The following ABL1 variants were observed in gnomAD, a reference collection of about 807,000 sequenced individuals.
The protein encoded by ABL1 is tyrosine-protein kinase ABL1.
In ABL1, 11 loss-of-function variants were observed where a neutral mutation model predicts 94.7. The observed-to-expected ratio is 0.12, with a 90% CI of 0.07 to 0.19. ABL1 has a LOEUF of 0.19. Among genes scored for constraint, ABL1 ranks in the 10% least tolerant of loss-of-function variants. ABL1 has a pLI of 1.00. For synonymous variants in ABL1, 656 were observed against 622.4 expected, an observed-to-expected ratio of 1.05 and a Z score of -0.80; for missense variants, 1,082 against 1,489.4, an observed-to-expected ratio of 0.73 and a Z score of 4.50.
At chr9:130,798,837 G>A (rs1027147731) in intron 1 of ABL1, among the ~76,000 whole-genome samples, 1 of 151,948 alleles carries the variant, frequency 6.6e-6, no homozygotes, top group Non-Finnish European at 1.5e-5. Context: ...TGGGTGTGGT[G>A]GGGCATGCCT....
intron 1 of ABL1, among the ~76,000 whole-genome samples, chr9:130,716,597 T>C (rs1831444453): frequency 6.6e-6 from 1 of 152,298 alleles, no homozygotes; most frequent in South Asian, 2.1e-4. Flanking sequence ...GCCACTTTTT[T>C]CATGGACTGC....
intron 1 of ABL1, among the ~76,000 whole-genome samples, chr9:130,772,737 C>T (rs553693455): frequency 8.5e-5 from 13 of 152,274 alleles, no homozygotes; most frequent in African/African-American, 2.4e-4. Flanking sequence ...AAGAGGAAAA[C>T]GCAGGGCACA....
chr9:130,733,576 T>TTTG (rs72229976), intron 1 of ABL1, among the ~76,000 whole-genome samples: 1 of 78,314 alleles, frequency 1.3e-5, no homozygotes, highest in African/African-American at 1.2e-4. Context: ...TGTAAAGCAC[T>TTTG]TTTTTTTTTT....
At chr9:130,781,907 A>G (rs1450496205) in intron 1 of ABL1, among the ~76,000 whole-genome samples, 1 of 152,210 alleles carries the variant, frequency 6.6e-6, no homozygotes, top group Non-Finnish European at 1.5e-5. Flanking sequence ...TGAGGAATAC[A>G]TATTCAGTTA....
intron 1 of ABL1, among the ~76,000 whole-genome samples, chr9:130,776,696 G>A (rs1430809519): frequency 6.6e-6 from 1 of 152,162 alleles, no homozygotes; most frequent in Non-Finnish European, 1.5e-5. Context: ...GAGTTGCAGG[G>A]CTAGTGTAGA....
At chr9:130,768,735 A>T (rs572833707) in intron 1 of ABL1, among the ~76,000 whole-genome samples, 1 of 152,340 alleles carries the variant, frequency 6.6e-6, no homozygotes, top group African/African-American at 2.4e-5. Context: ...GGCCCACTCT[A>T]TAGGGTCTTT....
chr9:130,716,703 A>G (rs1404597891), intron 1 of ABL1, among the ~76,000 whole-genome samples: 1 of 152,184 alleles, frequency 6.6e-6, no homozygotes, highest in African/African-American at 2.4e-5. Flanking sequence ...ATTTGTTGCC[A>G]ATGATGAAAT....
chr9:130,826,632 A>G (rs758765604), intron 1 of ABL1, among the ~76,000 whole-genome samples: 5 of 152,160 alleles, frequency 3.3e-5, no homozygotes, highest in Non-Finnish European at 7.3e-5. Context: ...CATTAGTACC[A>G]CAGAAAGCAG....
At chr9:130,753,422 C>CTTTTTTTTTTTTTTTTTTTTTT (rs71389347) in intron 1 of ABL1, among the ~76,000 whole-genome samples, 3 of 90,342 alleles carry the variant, frequency 3.3e-5, no homozygotes, top group African/African-American at 1.5e-4. Context: ...TTTTTCTTTT[C>CTTTTTTTTTTTTTTTTTTTTTT]TTTTTTTTTT....
intron 4 of ABL1, 141 bp from the exon 5 acceptor site, chr9:130,871,988 G>A: frequency 4.4e-6 from 3 of 675,824 alleles, no homozygotes; most frequent in South Asian, 3.8e-5. Context: ...CATGGAACCT[G>A]TCTGCAGCAA....
intron 1 of ABL1, among the ~76,000 whole-genome samples, chr9:130,793,765 C>A (rs1409666627): frequency 1.3e-5 from 2 of 152,080 alleles, no homozygotes; most frequent in Non-Finnish European, 2.9e-5. Context: ...AGGTGGTGAG[C>A]GGCAGGTAAG....
intron 4 of ABL1, among the ~76,000 whole-genome samples, chr9:130,871,097 G>T (rs1009981037): frequency 6.6e-6 from 1 of 152,232 alleles, no homozygotes; most frequent in African/African-American, 2.4e-5. Context: ...TTCCCCTGCA[G>T]TCTTTTCTCT....
intron 1 of ABL1, among the ~76,000 whole-genome samples, chr9:130,816,704 A>G (rs1382876354): frequency 6.6e-6 from 1 of 151,888 alleles, no homozygotes; most frequent in African/African-American, 2.4e-5. Flanking sequence ...GCTGGTCCCA[A>G]GTAAGTCCAA....
At chr9:130,818,898 G>A (rs1226724559) in intron 1 of ABL1, among the ~76,000 whole-genome samples, 2 of 152,128 alleles carry the variant, frequency 1.3e-5, no homozygotes, top group African/African-American at 4.8e-5. Flanking sequence ...CCCCAAGAAC[G>A]CTTTCCTAAC....
intron 4 of ABL1, among the ~76,000 whole-genome samples, chr9:130,865,717 A>T (rs1588273930): frequency 7.2e-6 from 1 of 139,388 alleles, no homozygotes; most frequent in East Asian, 2.1e-4. Flanking sequence ...CTGCACTCCT[A>T]CCTGGGGAGC....
At chr9:130,786,185 A>G (rs1829823319) in intron 1 of ABL1, among the ~76,000 whole-genome samples, 2 of 152,234 alleles carry the variant, frequency 1.3e-5, no homozygotes, top group Admixed American at 1.3e-4. Context: ...AGACAGGGCC[A>G]GGGAAACATC....
chr9:130,792,969 A>C (rs542591688), intron 1 of ABL1, among the ~76,000 whole-genome samples: 1 of 152,338 alleles, frequency 6.6e-6, no homozygotes, highest in East Asian at 1.9e-4. Context: ...ATTGTCACCC[A>C]GGCTGGAGTG....
chr9:130,724,686 C>A, intron 1 of ABL1: 1 of 336,758 alleles, frequency 3.0e-6, no homozygotes, highest in South Asian at 2.4e-5. Context: ...ACCTGTAATC[C>A]CAGCTACCTG....
At chr9:130,724,867 C>T (rs1234945278) in intron 1 of ABL1, 2 of 465,496 alleles carry the variant, frequency 4.3e-6, no homozygotes, top group Non-Finnish European at 8.5e-6. Context: ...TTCATTCGCC[C>T]AGTCCCTGTG....
Sources: gnomAD v4.1 joint callset for allele counts (sites outside exome capture counted in the v4.1 genomes callset) on GRCh38, gnomAD v4.1.1 for gene constraint, MANE v1.5 for transcripts, NCBI Gene and HGNC (gene_info 2026-07-23, HGNC 2026-07-21) for gene names.